Variants in SYNDIG1L observed in about 807,000 individuals in gnomAD.
The protein encoded by SYNDIG1L is synapse differentiation inducing 1 like, also known as synapse differentiation-inducing gene protein 1-like.
Under a neutral mutation model 20.1 loss-of-function variants are expected in SYNDIG1L, and 13 were observed. The ratio of observed to expected loss-of-function variants is 0.65; its 90% confidence interval spans 0.42 to 1.03. The LOEUF (loss-of-function observed/expected upper bound fraction) is 1.03. SYNDIG1L is among the 50% of genes least tolerant of loss of function. The probability of loss-of-function intolerance (pLI) is 0.00; values close to 1 mark genes in which losing one functional copy is unlikely to be tolerated. For missense variants in SYNDIG1L, 294 were observed against 305.1 expected, an observed-to-expected ratio of 0.96 and a Z score of 0.27; for synonymous variants, 128 against 129.3, an observed-to-expected ratio of 0.99 and a Z score of 0.07.
the SYNDIG1L span, among the ~76,000 whole-genome samples, chr14:74,465,830 T>G: frequency 1.3e-5 from 2 of 152,102 alleles, no homozygotes; most frequent in Admixed American, 1.3e-4. Flanking sequence ...TCACTGGTTT[T>G]GGGAATAATC....
At chr14:74,437,944 T>C in the SYNDIG1L span, among the ~76,000 whole-genome samples, 3 of 152,166 alleles carry the variant, frequency 2.0e-5, no homozygotes, top group Non-Finnish European at 4.4e-5. Context: ...CTGCGATGAA[T>C]GATAGAAAGA....
the SYNDIG1L span, among the ~76,000 whole-genome samples, chr14:74,463,567 C>T: frequency 6.6e-6 from 1 of 152,122 alleles, no homozygotes; most frequent in Non-Finnish European, 1.5e-5. Context: ...TCTCGGATAC[C>T]TCAGCTAAAA....
chr14:74,445,802 T>C, the SYNDIG1L span, among the ~76,000 whole-genome samples: 12 of 152,210 alleles, frequency 7.9e-5, no homozygotes, highest in Non-Finnish European at 1.5e-4. Context: ...AGTATGCATG[T>C]AGTCTCTTTA....
chr14:74,478,641 G>A, the SYNDIG1L span, among the ~76,000 whole-genome samples: 1 of 152,238 alleles, frequency 6.6e-6, no homozygotes, highest in African/African-American at 2.4e-5. Flanking sequence ...GGGAGACAGT[G>A]GACACATGAG....
At chr14:74,437,728 CT>C in the SYNDIG1L span, among the ~76,000 whole-genome samples, 17 of 152,206 alleles carry the variant, frequency 1.1e-4, no homozygotes, top group Non-Finnish European at 1.9e-4. Flanking sequence ...TTGTGTTTTA[CT>C]ATTAGCAAAC....
chr14:74,408,773 G>A (rs1259641744), intron 2 of SYNDIG1L, among the ~76,000 whole-genome samples: 1 of 152,062 alleles, frequency 6.6e-6, no homozygotes, highest in Non-Finnish European at 1.5e-5. Context: ...TTTCTTCTGG[G>A]GAGTGGGCTG....
chr14:74,413,082 A>T (rs1163160810), intron 1 of SYNDIG1L, among the ~76,000 whole-genome samples: 1 of 152,206 alleles, frequency 6.6e-6, no homozygotes. Context: ...CCTGAAGACC[A>T]TAGGGGCATT....
At chr14:74,410,461 T>A (rs989017584) in intron 1 of SYNDIG1L, among the ~76,000 whole-genome samples, 3 of 152,024 alleles carry the variant, frequency 2.0e-5, no homozygotes, top group African/African-American at 7.3e-5. Context: ...CTTGCTTGAG[T>A]CTAAGAGGGG....
At chr14:74,448,922 A>G in the SYNDIG1L span, among the ~76,000 whole-genome samples, 1 of 152,188 alleles carries the variant, frequency 6.6e-6, no homozygotes, top group African/African-American at 2.4e-5. Context: ...AAATTGGAAA[A>G]AAAGAGAAAA....
At chr14:74,439,182 C>T in the SYNDIG1L span, among the ~76,000 whole-genome samples, 22 of 152,028 alleles carry the variant, frequency 1.4e-4, no homozygotes, top group African/African-American at 2.4e-4. Context: ...CAGACTCCTC[C>T]GCCTGGGCTG....
At chr14:74,432,353 GCCTTCATCCCATCTCT>G in the SYNDIG1L span, among the ~76,000 whole-genome samples, 4 of 152,124 alleles carry the variant, frequency 2.6e-5, no homozygotes, top group Non-Finnish European at 4.4e-5. Flanking sequence ...TTTCACTGAA[GCCTTCATCCCATCTCT>G]CCTCCACACC....
the SYNDIG1L span, chr14:74,474,333 T>C: frequency 6.6e-6 from 1 of 152,110 alleles, no homozygotes; most frequent in Non-Finnish European, 1.5e-5. Context: ...CAGTGGCCAC[T>C]GTCTGGGAGA....
chr14:74,460,182 A>G, the SYNDIG1L span, among the ~76,000 whole-genome samples: 1 of 151,990 alleles, frequency 6.6e-6, no homozygotes, highest in Admixed American at 6.6e-5. Flanking sequence ...TCAGCAAGCC[A>G]TTAAGCCCTG....
At chr14:74,457,464 C>T in the SYNDIG1L span, among the ~76,000 whole-genome samples, 3 of 152,014 alleles carry the variant, frequency 2.0e-5, no homozygotes, top group Non-Finnish European at 2.9e-5. Context: ...CTGGGCCTCC[C>T]GCACCCTCCT....
At chr14:74,472,138 TATAG>T in the SYNDIG1L span, 1 of 152,188 alleles carries the variant, frequency 6.6e-6, no homozygotes. Context: ...GAATCAGAGT[TATAG>T]ATACTCAATA....
chr14:74,441,240 G>T, the SYNDIG1L span, among the ~76,000 whole-genome samples: 1 of 152,060 alleles, frequency 6.6e-6, no homozygotes, highest in Non-Finnish European at 1.5e-5. Context: ...GTGGATCCAG[G>T]GATCTCTTGC....
At chr14:74,440,514 C>CAAAA in the SYNDIG1L span, among the ~76,000 whole-genome samples, 1 of 48,500 alleles carries the variant, frequency 2.1e-5, no homozygotes, top group Non-Finnish European at 3.5e-5. Flanking sequence ...GACTCCGTCT[C>CAAAA]ATAAAAAAAA....
At chr14:74,452,415 A>G in the SYNDIG1L span, among the ~76,000 whole-genome samples, 1 of 152,204 alleles carries the variant, frequency 6.6e-6, no homozygotes, top group East Asian at 1.9e-4. Context: ...TCTTTCCTGC[A>G]TGATAGTATA....
At chr14:74,431,617 G>A in the SYNDIG1L span, among the ~76,000 whole-genome samples, 5 of 151,964 alleles carry the variant, frequency 3.3e-5, no homozygotes, top group East Asian at 3.9e-4. Flanking sequence ...ATTTGAAGCC[G>A]GGTCTGTGTG....
Sources: allele counts gnomAD v4.1 joint callset (sites outside exome capture counted in the v4.1 genomes callset), GRCh38; gene constraint gnomAD v4.1.1; transcripts MANE v1.5; gene names NCBI Gene and HGNC (gene_info 2026-07-23, HGNC 2026-07-21).